Variants in FAF1 observed in about 807,000 individuals in gnomAD.
The protein encoded by FAF1 is FAS-associated factor 1.
FAF1 carries 25 observed loss-of-function variants against 92.5 expected under a neutral mutation model. The observed-to-expected ratio is 0.27, with a 90% CI of 0.20 to 0.38. FAF1 has a LOEUF of 0.38. FAF1 is among the 10% of genes least tolerant of loss of function. The pLI, the probability that FAF1 is intolerant of heterozygous loss-of-function variation, is 1.00. For synonymous variants in FAF1, 234 were observed against 273.2 expected (o/e 0.86, Z 1.42); for missense variants, 636 against 793.3 (o/e 0.80, Z 2.38).
At chr1:50,486,564 T>C (rs1479547861) in intron 17 of FAF1, among the ~76,000 whole-genome samples, 3 of 152,154 alleles carry the variant, frequency 2.0e-5, no homozygotes, top group African/African-American at 7.2e-5. Flanking sequence ...GTGAAGTCTT[T>C]CTTGTTGCCT....
intron 2 of FAF1, among the ~76,000 whole-genome samples, chr1:50,821,290 A>G (rs1644041094): frequency 6.6e-6 from 1 of 152,206 alleles, no homozygotes; most frequent in African/African-American, 2.4e-5. Flanking sequence ...AGTTATATCA[A>G]ACTCCTGCTT....
At chr1:50,565,830 T>C (rs2149055646) in intron 13 of FAF1, among the ~76,000 whole-genome samples, 1 of 152,194 alleles carries the variant, frequency 6.6e-6, no homozygotes, top group Non-Finnish European at 1.5e-5. Flanking sequence ...CATCAAGTTG[T>C]GGATAAAAGG....
rs1370193423 is a variant in FAF1, at chr1:50,440,545, AGT to A, written c.*893_*894del. 3.3e-5 allele frequency: 5 copies of A among 152,266 alleles called. No homozygotes were observed. Among genetic ancestry groups the A allele is most frequent in the Non-Finnish European group, 7.3e-5 (5 of 68,046 alleles). The allele number at this position is 152,266 out of a possible 1,614,324, so 9.4% of individuals were successfully genotyped here. ...TGATAGGCAAGGTGCTTAAACACCAAGTGACAAGGTCCAAATGTGTGAGGGAG... is the reference window on the plus strand; with the variant it reads ...TGATAGGCAAGGTGCTTAAACACCAAGACAAGGTCCAAATGTGTGAGGGAG... On this transcript the variant is annotated 3_prime_UTR_variant, in exon 19 of 19. Coordinates refer to ENST00000396153, the MANE Select transcript of FAF1 (RefSeq NM_007051.3).
In FAF1 at chr1:50,922,470, A is replaced by AAG. The variant is rs1195889051; in HGVS notation, c.45+37296_45+37297insCT. Among the ~76,000 whole-genome samples, 7 of 147,470 alleles carry AAG rather than the reference A, an allele frequency of 4.7e-5. 1 individual carries two copies. In the East Asian group the frequency reaches 1.4e-3, roughly 29 times the overall value. On this transcript the variant is annotated intron_variant, in intron 1 of 18. Coordinates refer to ENST00000396153, the MANE Select transcript of FAF1 (RefSeq NM_007051.3). ...TAAGACTCTGCCTCAAAAAAAAAAA[A>AAG]AAAAAAAAAAAAGAAAAGAGAGAGA...
intron 2 of FAF1, among the ~76,000 whole-genome samples, chr1:50,834,768 T>C (rs1427670739): frequency 6.6e-6 from 1 of 152,210 alleles, no homozygotes; most frequent in African/African-American, 2.4e-5. Flanking sequence ...TAATAAACAT[T>C]TACTGAACAC....
intron 3 of FAF1, among the ~76,000 whole-genome samples, chr1:50,800,082 T>G (rs932971637): frequency 6.6e-6 from 1 of 152,180 alleles, no homozygotes; most frequent in African/African-American, 2.4e-5. Context: ...AATCCTACTC[T>G]GATCACAGTT....
chr1:50,797,523 A>AC (rs1661807497), intron 3 of FAF1, among the ~76,000 whole-genome samples: 1 of 151,890 alleles, frequency 6.6e-6, no homozygotes, highest in South Asian at 2.1e-4. Flanking sequence ...ACATCATGAG[A>AC]CCCCATCTCT....
intron 2 of FAF1, among the ~76,000 whole-genome samples, chr1:50,816,022 G>A (rs577147777): frequency 2.1e-5 from 3 of 141,852 alleles, no homozygotes; most frequent in African/African-American, 5.5e-5. Context: ...GTGAGATTCC[G>A]TCTTAAAAAA....
chr1:50,650,701 A>C (rs1654825204), intron 8 of FAF1, among the ~76,000 whole-genome samples: 1 of 152,240 alleles, frequency 6.6e-6, no homozygotes, highest in Non-Finnish European at 1.5e-5. Context: ...GAATTTAAAA[A>C]GAACTACATG....
chr1:50,579,852 T>G (rs1650912257), intron 12 of FAF1, among the ~76,000 whole-genome samples: 1 of 152,058 alleles, frequency 6.6e-6, no homozygotes, highest in Admixed American at 6.6e-5. Flanking sequence ...GGATTGTGGT[T>G]CCAAAAAAAA....
At chr1:50,591,946 T>G (rs1324767886) in intron 9 of FAF1, among the ~76,000 whole-genome samples, 2 of 152,194 alleles carry the variant, frequency 1.3e-5, no homozygotes, top group Non-Finnish European at 2.9e-5. Context: ...TCACCTCCTC[T>G]AGTCTTTTTT....
intron 9 of FAF1, 56 bp downstream of exon 9, chr1:50,596,065 G>T: frequency 9.0e-7 from 1 of 1,109,740 alleles, no homozygotes; most frequent in Non-Finnish European, 1.4e-6. Context: ...AGGGAAGTGC[G>T]CAGGTAGGTG....
chr1:50,491,727 T>C lies in FAF1; in HGVS notation c.1569A>G (p.Arg523=), dbSNP rs748774659. 6.2e-7 allele frequency: 1 copy of C among 1,610,182 alleles called. No individual in the cohort carries two copies. The highest frequency in any genetic ancestry group is 2.2e-5 in the East Asian group (1 of 44,806). Reference sequence around the variant, plus strand: ...AGTACTTGACCAAGCCTACCTTTGCTCTGTCAGCCTCAAGTGAAAGGCGAT... The same window carrying C: ...AGTACTTGACCAAGCCTACCTTTGCCCTGTCAGCCTCAAGTGAAAGGCGAT... ...EAYRLSLEAD[R]AKREAHEREM... Residue 523 remains arginine, a synonymous_variant, in exon 16 of 19, where the codon AGA becomes AGG. Transcript: ENST00000396153.
chr1:50,502,008 A>G (rs1024772417), intron 15 of FAF1, among the ~76,000 whole-genome samples: 2 of 152,228 alleles, frequency 1.3e-5, no homozygotes, highest in African/African-American at 4.8e-5. Context: ...AAATATAAAC[A>G]CTATAGAAAG....
intron 8 of FAF1, among the ~76,000 whole-genome samples, chr1:50,616,245 T>G (rs1652908463): frequency 6.6e-6 from 1 of 152,234 alleles, no homozygotes; most frequent in Admixed American, 6.5e-5. Context: ...CATGCTATTT[T>G]GGTTACTGTA....
chr1:50,871,971 A>T (rs530110095), intron 1 of FAF1, among the ~76,000 whole-genome samples: 41 of 151,248 alleles, frequency 2.7e-4, no homozygotes, highest in African/African-American at 9.7e-4. Flanking sequence ...AGGCTGAGGC[A>T]GGAGAATGGC....
intron 13 of FAF1, among the ~76,000 whole-genome samples, chr1:50,566,549 A>AT (rs1053406532): frequency 4.0e-5 from 6 of 151,658 alleles, no homozygotes; most frequent in Admixed American, 2.0e-4. Context: ...TAGGAAAGGA[A>AT]TTTTTTTTTC....
intron 2 of FAF1, among the ~76,000 whole-genome samples, chr1:50,852,927 T>G (rs1280911155): frequency 6.6e-6 from 1 of 152,106 alleles, no homozygotes; most frequent in Non-Finnish European, 1.5e-5. Context: ...TTGTAAATAA[T>G]GGGCTGTAGC....
chr1:50,878,670 T>C (rs899425991), intron 1 of FAF1, among the ~76,000 whole-genome samples: 1 of 152,152 alleles, frequency 6.6e-6, no homozygotes, highest in African/African-American at 2.4e-5. Context: ...CTTTTAATCC[T>C]CTCAATGATA....
Sources: allele counts gnomAD v4.1 joint callset (sites outside exome capture counted in the v4.1 genomes callset), GRCh38; gene constraint gnomAD v4.1.1; transcripts MANE v1.5; gene names NCBI Gene and HGNC (gene_info 2026-07-23, HGNC 2026-07-21).